Variants in RNF149 observed in about 807,000 individuals in gnomAD.
The protein encoded by RNF149 is E3 ubiquitin-protein ligase RNF149.
Under a neutral mutation model 39.0 loss-of-function variants are expected in RNF149, and 21 were observed. That is an observed-to-expected ratio of 0.54 (90% confidence interval 0.38 to 0.77). RNF149 has a LOEUF of 0.77. Among genes scored for constraint, RNF149 ranks in the 30% least tolerant of loss-of-function variants. The pLI, the probability that RNF149 is intolerant of heterozygous loss-of-function variation, is 0.00. For synonymous variants in RNF149, 209 were observed against 213.6 expected (o/e 0.98, Z 0.19); for missense variants, 493 against 534.9 (o/e 0.92, Z 0.77).
At chr2:101,288,660 C>T (rs943312152) in intron 4 of RNF149, 16 of 222,178 alleles carry the variant, frequency 7.2e-5, no homozygotes, top group African/African-American at 3.5e-4. Flanking sequence ...GCTCCCAACA[C>T]AGCTTACTTT....
intron 1 of RNF149, 140 bp from the exon 2 acceptor site, chr2:101,295,321 C>G: frequency 1.4e-6 from 1 of 719,020 alleles, no homozygotes; most frequent in Non-Finnish European, 2.2e-6. Context: ...AGTTACCAAA[C>G]CTGGTTCCAA....
chr2:101,276,716 C>A lies in RNF149; in HGVS notation c.*522G>T. On this transcript the variant is annotated 3_prime_UTR_variant, in exon 7 of 7. Transcript: ENST00000295317. ...TCTCAGGTTTTGAAATCTTCACATA[C>A]ACTACAGATGGGCAAAAAAGCTACA... 1 of 985,930 alleles carries A rather than the reference C, an allele frequency of 1.0e-6. No individual in the cohort carries two copies. Among genetic ancestry groups the A allele is most frequent in the Non-Finnish European group, 1.2e-6 (1 of 830,354 alleles). 61.1% of individuals were successfully genotyped at this position (985,930 alleles called of 1,614,324 possible).
rs1282402216 is a variant in RNF149 at position 101,295,058 on chromosome 2, A to T, written c.584T>A (p.Phe195Tyr). 1 of 1,614,060 alleles carries T rather than the reference A, an allele frequency of 6.2e-7. No homozygotes were observed. Among genetic ancestry groups the T allele is most frequent in the African/African-American group, 1.3e-5 (1 of 74,928 alleles). ...IGVGTRHVQE[F>Y]ISGQSVVFVA... ...AAACACCACAGACTGACCGCTGATG[A>T]ACTCCTGTACATGCCGGGTGCCAAC... The change falls in exon 2 of 7, where the codon TTC (phenylalanine) becomes TAC (tyrosine). Residue 195 changes from phenylalanine to tyrosine, a missense_variant. By Grantham distance (22) the Phe-to-Tyr change is conservative. Transcript: ENST00000295317.
At chr2:101,305,516 G>A (rs1683620095) in intron 1 of RNF149, among the ~76,000 whole-genome samples, 1 of 152,236 alleles carries the variant, frequency 6.6e-6, no homozygotes, top group East Asian at 1.9e-4. Context: ...TTTAATCAGT[G>A]CTTCAAAATG....
At chr2:101,296,930 C>T (rs1422101862) in intron 1 of RNF149, among the ~76,000 whole-genome samples, 5 of 152,090 alleles carry the variant, frequency 3.3e-5, no homozygotes, top group African/African-American at 9.7e-5. Flanking sequence ...AATGGTTGGC[C>T]GGGCACGGTG....
chr2:101,271,978 CTCTT>C (rs1322508319), downstream of RNF149, among the ~76,000 whole-genome samples: 1 of 152,152 alleles, frequency 6.6e-6, no homozygotes, highest in African/African-American at 2.4e-5. Context: ...GGTCACATGT[CTCTT>C]TTAAACAGTA....
intron 3 of RNF149, among the ~76,000 whole-genome samples, chr2:101,289,761 C>G (rs539871150): frequency 5.3e-5 from 8 of 151,730 alleles, no homozygotes; most frequent in Non-Finnish European, 1.2e-4. Context: ...AGGCTGGTCT[C>G]GAACTCCTGG....
intron 1 of RNF149, among the ~76,000 whole-genome samples, chr2:101,303,647 C>A (rs1573265129): frequency 6.6e-6 from 1 of 152,024 alleles, no homozygotes; most frequent in South Asian, 2.1e-4. Context: ...ATTTCTCATA[C>A]CTCTTTGTAA....
At chr2:101,292,151 T>C (rs1009324715) in intron 3 of RNF149, among the ~76,000 whole-genome samples, 1 of 152,240 alleles carries the variant, frequency 6.6e-6, no homozygotes, top group Non-Finnish European at 1.5e-5. Flanking sequence ...ACTTGAAGTA[T>C]GGTTTCTACT....
At chr2:101,273,477 T>C (rs570639809), downstream of RNF149, 104 of 144,110 alleles carry the variant, frequency 7.2e-4, no homozygotes, top group South Asian at 0.021. Flanking sequence ...TATTTGTTTC[T>C]TTTTTTTTTT....
At chr2:101,307,371 T>C (rs1425282541) in intron 1 of RNF149, among the ~76,000 whole-genome samples, 2 of 152,106 alleles carry the variant, frequency 1.3e-5, no homozygotes, top group South Asian at 2.1e-4. Context: ...TTTGCAGATA[T>C]GGGGTCTATG....
Position 101,295,031 on chromosome 2 carries a change from A to C in RNF149, c.611T>G (p.Val204Gly). 1 of 1,614,182 alleles carries C rather than the reference A, an allele frequency of 6.2e-7. No individual in the cohort carries two copies. Among genetic ancestry groups the C allele is most frequent in the Non-Finnish European group, 8.5e-7 (1 of 1,180,014 alleles). ...EFISGQSVVF[V>G]AIAFITMMII... Reference sequence around the variant, plus strand: ...CATCATGGTGATGAAGGCAATGGCCACAAACACCACAGACTGACCGCTGAT... The same window carrying C: ...CATCATGGTGATGAAGGCAATGGCCCCAAACACCACAGACTGACCGCTGAT... The change falls in exon 2 of 7, where the codon GTG becomes GGG. Residue 204 changes from valine to glycine, a missense_variant. Coordinates refer to ENST00000295317, the MANE Select transcript of RNF149 (RefSeq NM_173647.4).
At chr2:101,277,803 T>C (rs1453014420) in intron 6 of RNF149, among the ~76,000 whole-genome samples, 1 of 152,232 alleles carries the variant, frequency 6.6e-6, no homozygotes, top group Non-Finnish European at 1.5e-5. Flanking sequence ...AGCATTAGCC[T>C]AGCCAACATT....
At position 101,288,957 on chromosome 2, in the gene RNF149, T is replaced by A. The variant is rs577114259; in HGVS notation, c.863+16A>T. ...TCAAGTAATTTTTAACATCTCAATA[T>A]GTAAAAAGAACATACTTGCATGGCA... On this transcript the variant is annotated intron_variant, in intron 4 of 6. Coordinates refer to ENST00000295317, the MANE Select transcript of RNF149 (RefSeq NM_173647.4). The A allele has an allele frequency of 8.4e-6, 11 of 1,308,204 alleles. No individual in the cohort carries two copies. In the East Asian group the frequency reaches 2.6e-4, roughly 30 times the overall value. The allele number at this position is 1,308,204 out of a possible 1,614,324, so 81.0% of individuals were successfully genotyped here.
intron 6 of RNF149, among the ~76,000 whole-genome samples, chr2:101,280,291 A>G (rs1682530698): frequency 6.6e-6 from 1 of 152,150 alleles, no homozygotes. Flanking sequence ...ATATAAAAAC[A>G]TATTATTTGC....
At chr2:101,278,817 C>T (rs1558776720) in intron 6 of RNF149, among the ~76,000 whole-genome samples, 1 of 152,144 alleles carries the variant, frequency 6.6e-6, no homozygotes, top group Non-Finnish European at 1.5e-5. Flanking sequence ...TCCAATTCCC[C>T]CCACACCCAA....
rs371323487 is a variant in RNF149, at chr2:101,288,992, T to C, written c.844A>G (p.Ile282Val). The change falls in exon 4 of 7, where the codon ATT (isoleucine) becomes GTT (valine). Residue 282 changes from isoleucine (I) to valine (V), a missense_variant. By Grantham distance (29) the Ile-to-Val change is conservative (BLOSUM62 3). Transcript: ENST00000295317. The stretch of plus-strand genomic sequence containing the variant: ...ACATACTTGCATGGCAGAATTCTAA[T>C]AATATCCTTTACTTTGAAATTTTCA... Reference protein sequence around the residue: ...CIENFKVKDIIRILPCKHIFH... With the variant: ...CIENFKVKDIVRILPCKHIFH... 2.6e-5 allele frequency: 40 copies of C among 1,562,732 alleles called. No individual in the cohort carries two copies. The highest frequency in any genetic ancestry group is 3.3e-5 in the Non-Finnish European group (38 of 1,135,330).
downstream of RNF149, chr2:101,271,669 C>T (rs1267806035): frequency 6.6e-6 from 1 of 151,056 alleles, no homozygotes; most frequent in East Asian, 1.9e-4. Flanking sequence ...CAAATGAGTT[C>T]AACTGTCACG....
In RNF149 at chr2:101,277,389, GA is replaced by G. The variant is rs1195490303; in HGVS notation, c.1160-109del. 115 of 1,412,612 alleles carry G rather than the reference GA, an allele frequency of 8.1e-5. No individual in the cohort carries two copies. The African/African-American group carries it at 1.1e-3, about 14-fold the overall frequency. The allele number at this position is 1,412,612 out of a possible 1,614,324, so 87.5% of individuals were successfully genotyped here. On this transcript the variant is annotated intron_variant, in intron 6 of 6. Transcript: ENST00000295317. ...TGGAGATAATTCAAGATGGTAAACA[GA>G]AAAAAAAATTTTTTTTGAGACGGAG...
Sources: gnomAD v4.1 joint callset for allele counts (sites outside exome capture counted in the v4.1 genomes callset) on GRCh38, gnomAD v4.1.1 for gene constraint, MANE v1.5 for transcripts, NCBI Gene and HGNC (gene_info 2026-07-23, HGNC 2026-07-21) for gene names.